TICRR: variants seen among roughly 807,000 people sequenced by gnomAD.
TICRR encodes the protein TOPBP1 interacting checkpoint and replication regulator, also known as treslin.
A neutral mutation model predicts 178.1 loss-of-function variants in TICRR; 132 were observed. The observed-to-expected ratio is 0.74, with a 90% CI of 0.64 to 0.86. The LOEUF is 0.86. Among genes scored for constraint, TICRR ranks in the 40% least tolerant of loss-of-function variants. The probability of loss-of-function intolerance (pLI) is 0.00; values close to 1 mark genes in which losing one functional copy is unlikely to be tolerated. For missense variants in TICRR, 2,587 were observed against 2,334.3 expected (o/e 1.11, Z -2.23); for synonymous variants, 991 against 900.7 (o/e 1.10, Z -1.79).
At chr15:89,583,060 G>A in intron 2 of TICRR, 95 bp downstream of exon 2, 1 of 1,293,560 alleles carries the variant, frequency 7.7e-7, no homozygotes, top group Non-Finnish European at 1.0e-6. Flanking sequence ...ATTTCTCACA[G>A]CCCAGGCACT....
At chr15:89,607,204 G>A (rs1039869357) in intron 14 of TICRR, among the ~76,000 whole-genome samples, 4 of 152,092 alleles carry the variant, frequency 2.6e-5, no homozygotes, top group African/African-American at 9.7e-5. Flanking sequence ...GGATATTACT[G>A]AGACAACTAG....
chr15:89,607,049 A>T (rs918529880), intron 14 of TICRR, among the ~76,000 whole-genome samples: 25 of 152,026 alleles, frequency 1.6e-4, no homozygotes, highest in South Asian at 2.1e-4. Flanking sequence ...AAACAAAATT[A>T]AAAAAAACAT....
At chr15:89,626,148 G>C in intron 21 of TICRR, 87 bp downstream of exon 21, 2 of 1,518,268 alleles carry the variant, frequency 1.3e-6, no homozygotes, top group Non-Finnish European at 1.8e-6. Context: ...TTCTAGAGGA[G>C]CCCCAGGGAG....
intron 5 of TICRR, among the ~76,000 whole-genome samples, chr15:89,592,406 A>G (rs534898762): frequency 6.6e-6 from 1 of 152,314 alleles, no homozygotes; most frequent in Non-Finnish European, 1.5e-5. Context: ...AAATTTACCA[A>G]AGTAATTCGT....
At chr15:89,576,836 T>TACAC (rs1231932889) in intron 1 of TICRR, among the ~76,000 whole-genome samples, 9 of 132,898 alleles carry the variant, frequency 6.8e-5, no homozygotes, top group African/African-American at 2.7e-4. Context: ...TATATATATA[T>TACAC]ATATATATAT....
Position 89,608,742 on chromosome 15 carries a change from C to A in TICRR, c.2723-61C>A, listed in dbSNP as rs929533657. ...TGTTTTGGTTATCTTTTCTCAGATA[C>A]GGCATTTATTGATGATAATCTTTGG... On this transcript the variant is annotated intron_variant, in intron 14 of 21. Transcript: ENST00000268138. 2.8e-6 allele frequency: 4 copies of A among 1,424,176 alleles called. No individual in the cohort carries two copies. In the African/African-American group the frequency reaches 5.9e-5, roughly 21 times the overall value. 88.2% of individuals were successfully genotyped at this position (1,424,176 alleles called of 1,614,324 possible). A position where few individuals can be genotyped will look rare whatever the true frequency, so the allele number is the denominator to read the frequency against.
At chr15:89,600,563 T>C (rs769064236) in intron 8 of TICRR, 22 bp from the exon 9 acceptor site, 4 of 1,143,308 alleles carry the variant, frequency 3.5e-6, no homozygotes, top group Non-Finnish European at 5.1e-6. Flanking sequence ...TATTCTCCTA[T>C]GTAATAATTT....
rs1417921521 is a variant in TICRR at position 89,625,801 on chromosome 15, G to A, written c.5476+15G>A. The A allele has an allele frequency of 6.3e-7, 1 of 1,585,938 alleles. No homozygotes were observed. The highest frequency in any genetic ancestry group is 8.6e-7 in the Non-Finnish European group (1 of 1,165,010). Reference sequence around the variant, plus strand: ...GTTTGTTTCCGGTGAGTTCGTTTTTGAAACCCAGTTTCCTCATGGTTTCTT... The same window carrying A: ...GTTTGTTTCCGGTGAGTTCGTTTTTAAAACCCAGTTTCCTCATGGTTTCTT... On this transcript the variant is annotated intron_variant, in intron 20 of 21. Coordinates refer to ENST00000268138, the MANE Select transcript of TICRR (RefSeq NM_152259.4).
chr15:89,627,238 A>T lies in TICRR; in HGVS notation c.*152A>T. The T allele has an allele frequency of 1.1e-6, 1 of 876,156 alleles. No homozygotes were observed. The highest frequency in any genetic ancestry group is 1.7e-6 in the Non-Finnish European group (1 of 585,168). The allele number at this position is 876,156 out of a possible 1,614,324, so 54.3% of individuals were successfully genotyped here. ...TAGGGTTTTCTAATTCCCCTTATGG[A>T]TCCAATCCATCTCCTGGCCCTGCCC... On this transcript the variant is annotated 3_prime_UTR_variant, in exon 22 of 22. Transcript: ENST00000268138.
Position 89,601,807 on chromosome 15 carries a change from C to G in TICRR, c.2398C>G (p.Leu800Val), listed in dbSNP as rs1413928667. 6.2e-7 allele frequency: 1 copy of G among 1,614,036 alleles called. No homozygotes were observed. The highest frequency in any genetic ancestry group is 1.7e-5 in the Admixed American group (1 of 59,996). Residue 800 changes from leucine (L) to valine (V), a missense_variant, in exon 12 of 22, where the codon CTG becomes GTG. By Grantham distance (32) the Leu-to-Val change is conservative. Coordinates refer to ENST00000268138, the MANE Select transcript of TICRR (RefSeq NM_152259.4). ...NSLGFVIPQK[L>V]AGVLPTDFFS... is the part of the protein sequence containing the mutation. The stretch of plus-strand genomic sequence containing the variant: ...CCTAGGGTTTGTGATTCCTCAGAAG[C>G]TGGCTGGTGTCCTTCCTACAGATTT...
At chr15:89,614,420 T>C (rs1963303187) in intron 15 of TICRR, among the ~76,000 whole-genome samples, 1 of 151,832 alleles carries the variant, frequency 6.6e-6, no homozygotes, top group South Asian at 2.1e-4. Flanking sequence ...ACTTCCTGGC[T>C]TAAGCAATCC....
rs967411239 is a variant in TICRR at position 89,575,921 on chromosome 15, A to C, written c.335A>C (p.Gln112Pro). The change falls in exon 1 of 22, where the codon CAG (glutamine) becomes CCG (proline). Residue 112 changes from glutamine (Q) to proline (P), a missense_variant. By Grantham distance (76) the Gln-to-Pro change is moderately conservative. Coordinates refer to ENST00000268138, the MANE Select transcript of TICRR (RefSeq NM_152259.4). ...GALMETLLDY[Q>P]WDRPEITSPT... ...CTGATGGAGACGCTGCTAGACTACC[A>C]GTGGGACCGGCCCGAGATCACGTCG... The C allele has an allele frequency of 1.3e-6, 2 of 1,593,704 alleles. No homozygotes were observed. The highest frequency in any genetic ancestry group is 8.5e-7 in the Non-Finnish European group (1 of 1,172,230).
At position 89,625,980 on chromosome 15, in the gene TICRR, G is replaced by T; in HGVS notation, c.5521G>T (p.Ala1841Ser). The T allele has an allele frequency of 6.2e-7, 1 of 1,605,832 alleles. No homozygotes were observed. Among genetic ancestry groups the T allele is most frequent in the Non-Finnish European group, 8.5e-7 (1 of 1,176,474 alleles). The change falls in exon 21 of 22, where the codon GCC becomes TCC. Residue 1841 changes from alanine to serine, a missense_variant. Coordinates refer to ENST00000268138, the MANE Select transcript of TICRR (RefSeq NM_152259.4). ...CTGTGCCGTGCGGAGCTGCCTCTCT[G>T]CCAGTGCCCTCCAGGCTCTGACCCA... ...PSCAVRSCLS[A>S]SALQALTQSP...
In TICRR at chr15:89,599,402, T is replaced by C; in HGVS notation, c.1979T>C (p.Leu660Ser). The change falls in exon 8 of 22, where the codon TTG (leucine) becomes TCG (serine). Residue 660 changes from leucine (L) to serine (S), a missense_variant. Transcript: ENST00000268138. ...ACTGTGGCCACAGGAGAAATCATGT[T>C]GTATGCATGTGCTCGAAACATGATC... ...QKTVATGEIMLYACARNMIST... is the reference protein window; with the variant it reads ...QKTVATGEIMSYACARNMIST... 3 of 1,613,896 alleles carry C rather than the reference T, an allele frequency of 1.9e-6. No homozygotes were observed. The highest frequency in any genetic ancestry group is 1.7e-6 in the Non-Finnish European group (2 of 1,179,932).
Position 89,625,694 on chromosome 15 carries a change from A to G in TICRR, c.5384A>G (p.Glu1795Gly), listed in dbSNP as rs1280512100. ...GCCAAAAGGATCTGTGACCTGAGAGAAGATTCAGAAGTTAGTAAGAGTAAA... is the reference window on the plus strand; with the variant it reads ...GCCAAAAGGATCTGTGACCTGAGAGGAGATTCAGAAGTTAGTAAGAGTAAA... ...RGAKRICDLR[E>G]DSEVSKSKEG... is the part of the protein sequence containing the mutation. Residue 1795 changes from glutamate to glycine, a missense_variant, in exon 20 of 22, where the codon GAA becomes GGA. Glu to Gly is a moderately conservative substitution (Grantham distance 98). Coordinates refer to ENST00000268138, the MANE Select transcript of TICRR (RefSeq NM_152259.4). 1 of 1,613,478 alleles carries G rather than the reference A, an allele frequency of 6.2e-7. No individual in the cohort carries two copies. The highest frequency in any genetic ancestry group is 2.2e-5 in the East Asian group (1 of 44,876).
chr15:89,597,319 T>C (rs150130454), intron 7 of TICRR, among the ~76,000 whole-genome samples: 2,711 of 152,132 alleles, frequency 0.018, 75 homozygotes, highest in African/African-American at 0.058. Context: ...AGGTCAGTAG[T>C]TCGAGATCAG....
At chr15:89,584,639 C>G in intron 3 of TICRR, 112 bp downstream of exon 3, 3 of 1,101,160 alleles carry the variant, frequency 2.7e-6, no homozygotes, top group Non-Finnish European at 3.7e-6. Context: ...ACTGATTATG[C>G]TTTTGCAAAT....
Position 89,623,703 on chromosome 15 carries a change from G to A in TICRR, c.3393G>A (p.Pro1131=), listed in dbSNP as rs371643084. Residue 1131 remains proline (P), a synonymous_variant, in exon 20 of 22, where the codon CCG becomes CCA. Coordinates refer to ENST00000268138, the MANE Select transcript of TICRR (RefSeq NM_152259.4). ...PRRISHTPQT[P]LYTPERLQKS... is the part of the protein sequence containing the mutation. ...GGATCTCTCATACACCACAAACTCC[G>A]TTGTATACTCCAGAAAGGCTGCAGA... The A allele has an allele frequency of 2.6e-5, 42 of 1,613,988 alleles. No individual in the cohort carries two copies. The highest frequency in any genetic ancestry group is 6.7e-5 in the Admixed American group (4 of 60,004).
At chr15:89,577,689 A>G (rs1336430696) in intron 1 of TICRR, among the ~76,000 whole-genome samples, 1 of 136,024 alleles carries the variant, frequency 7.4e-6, no homozygotes, top group Non-Finnish European at 1.5e-5. Flanking sequence ...GCTCACTGCA[A>G]CCTTCACCTC....
Sources: allele counts gnomAD v4.1 joint callset (sites outside exome capture counted in the v4.1 genomes callset), GRCh38; gene constraint gnomAD v4.1.1; transcripts MANE v1.5; gene names NCBI Gene and HGNC (gene_info 2026-07-23, HGNC 2026-07-21).